Variants in NUTM2F observed in about 807,000 individuals in gnomAD.
NUTM2F encodes NUT family member 2F, also known as family with sequence similarity 22, member F.
NUTM2F carries 22 observed loss-of-function variants against 43.3 expected under a neutral mutation model. The observed-to-expected ratio is 0.51, with a 90% CI of 0.36 to 0.73. The LOEUF is 0.73. NUTM2F is among the 30% of genes least tolerant of loss of function. NUTM2F has a pLI of 0.00. For missense variants in NUTM2F, 488 were observed against 927.4 expected, an observed-to-expected ratio of 0.53 and a Z score of 6.15; for synonymous variants, 202 against 389.0, an observed-to-expected ratio of 0.52 and a Z score of 5.66.
intron 3 of NUTM2F, 123 bp downstream of exon 3, chr9:94,322,078 G>GA: frequency 6.7e-7 from 1 of 1,495,874 alleles, no homozygotes; most frequent in South Asian, 1.3e-5. Flanking sequence ...AGGGGCCCAG[G>GA]GCATCCTGTG....
rs1831356278 is a variant in NUTM2F at position 94,320,988 on chromosome 9, G to A, written c.982+105C>T. On this transcript the variant is annotated intron_variant, in intron 4 of 6. Transcript: ENST00000253262. This position sits in a 1 kb window ranked among gnomAD's most constrained non-coding sequence, Gnocchi z 4.5. Reference sequence around the variant, plus strand: ...CTCCCGGAAGCTGTCCTGTTGGAGGGAGCAAATCCCCCTCTTGAAGGGAAG... The same window carrying A: ...CTCCCGGAAGCTGTCCTGTTGGAGGAAGCAAATCCCCCTCTTGAAGGGAAG... 1.4e-6 allele frequency: 2 copies of A among 1,473,690 alleles called. No individual in the cohort carries two copies. The highest frequency in any genetic ancestry group is 1.4e-5 in the South Asian group (1 of 72,948). The allele number at this position is 1,473,690 out of a possible 1,614,324, so 91.3% of individuals were successfully genotyped here. A position where few individuals can be genotyped will look rare whatever the true frequency, so the allele number is the denominator to read the frequency against.
intron 1 of NUTM2F, among the ~76,000 whole-genome samples, chr9:94,326,609 T>C (rs1429407518): frequency 6.6e-6 from 1 of 151,678 alleles, no homozygotes; most frequent in Non-Finnish European, 1.5e-5. Flanking sequence ...AATTAGCTGA[T>C]GGTGCGTGCC....
At chr9:94,322,108 T>G (rs1831376774) in intron 3 of NUTM2F, 93 bp downstream of exon 3, 1 of 1,542,136 alleles carries the variant, frequency 6.5e-7, no homozygotes, top group African/African-American at 1.4e-5. Flanking sequence ...ACCCTCCTCA[T>G]GCTCCATGCT....
At position 94,322,271 on chromosome 9, in the gene NUTM2F, A is replaced by G; in HGVS notation, c.772T>C (p.Trp258Arg). ...KPTMTLEEGL[W>R]QAMREWQHTS... ...TGCTGCCATTCCCGCATGGCCTGCCACAGTCCCTCCTCCAGCGTCATGGTG... is the reference window on the plus strand; with the variant it reads ...TGCTGCCATTCCCGCATGGCCTGCCGCAGTCCCTCCTCCAGCGTCATGGTG... Residue 258 changes from tryptophan to arginine, a missense_variant, in exon 3 of 7, where the codon TGG becomes CGG. Transcript: ENST00000253262. The G allele has an allele frequency of 1.2e-6, 2 of 1,612,026 alleles. No homozygotes were observed. The highest frequency in any genetic ancestry group is 1.1e-5 in the South Asian group (1 of 90,988).
In NUTM2F at chr9:94,319,014, G is replaced by T; in HGVS notation, c.1722C>A (p.Asp574Glu). The T allele has an allele frequency of 1.2e-6, 2 of 1,604,972 alleles. No individual in the cohort carries two copies. The change falls in exon 7 of 7, where the codon GAC becomes GAA. Residue 574 changes from aspartate (D) to glutamate (E), a missense_variant. By Grantham distance (45) the Asp-to-Glu change is conservative. Transcript: ENST00000253262. ...CCTGACATCCCAAAAGCACAGCAGG[G>T]TCTTCGGACCTGGCCATGCCAGTGC... ...RVRTGMARSE[D>E]PAVLLGCQDS...
chr9:94,326,736 T>G (rs1257842265), intron 1 of NUTM2F, among the ~76,000 whole-genome samples: 1 of 81,528 alleles, frequency 1.2e-5, no homozygotes, highest in East Asian at 3.8e-4. Context: ...AGAGCGAGAC[T>G]CCGTCTCAAA....
intron 2 of NUTM2F, 145 bp downstream of exon 2, chr9:94,325,093 G>A (rs1372354914): frequency 2.2e-6 from 2 of 919,918 alleles, no homozygotes; most frequent in Admixed American, 4.6e-5. Context: ...GATTAATGTT[G>A]CTGAAAACGT....
At chr9:94,322,436 G>T (rs1314561889) in intron 2 of NUTM2F, 107 bp from the exon 3 acceptor site, 29 of 1,489,458 alleles carry the variant, frequency 1.9e-5, no homozygotes, top group Non-Finnish European at 2.7e-5. Flanking sequence ...CCTGCCATCT[G>T]TCCCTGTCCT....
intron 2 of NUTM2F, among the ~76,000 whole-genome samples, chr9:94,324,005 C>T (rs1485777550): frequency 1.3e-5 from 2 of 152,316 alleles, no homozygotes; most frequent in East Asian, 3.9e-4. Flanking sequence ...TGCGGTGGCT[C>T]ACGCCTGCAA....
rs747516003 is a variant in NUTM2F, at chr9:94,322,368, C to T, written c.714-39G>A. The T allele has an allele frequency of 1.9e-6, 3 of 1,611,196 alleles. No homozygotes were observed. The South Asian group carries it at 3.3e-5, about 18-fold the overall frequency. ...CAGTCAGTCCCAGTCTGTAAGCCCACCCTCCATCCCGGGCCCACCTGGTCC... is the reference window on the plus strand; with the variant it reads ...CAGTCAGTCCCAGTCTGTAAGCCCATCCTCCATCCCGGGCCCACCTGGTCC... On this transcript the variant is annotated intron_variant, in intron 2 of 6. Coordinates refer to ENST00000253262, the MANE Select transcript of NUTM2F (RefSeq NM_017561.2).
chr9:94,325,262 G>C lies in NUTM2F; in HGVS notation c.689C>G (p.Thr230Ser), dbSNP rs776493650. The C allele has an allele frequency of 1.1e-6, 1 of 917,696 alleles. No individual in the cohort carries two copies. The highest frequency in any genetic ancestry group is 1.6e-6 in the Non-Finnish European group (1 of 630,672). The allele number at this position is 917,696 out of a possible 1,614,324, so 56.8% of individuals were successfully genotyped here. A position where few individuals can be genotyped will look rare whatever the true frequency, so the allele number is the denominator to read the frequency against. Residue 230 changes from threonine to serine, a missense_variant, in exon 2 of 7, where the codon ACT (threonine) becomes AGT (serine). Transcript: ENST00000253262. ...CATGAGGAAGCAGGAAAGCGCTTCA[G>C]TGTCAGGACTCTGGGGAAGGTGCCT... Reference protein sequence around the residue: ...ARRHLPQSPDTEALSCFLIPV... With the variant: ...ARRHLPQSPDSEALSCFLIPV...
Position 94,322,330 on chromosome 9 carries a change from C to A in NUTM2F, c.714-1G>T, listed in dbSNP as rs762953320. 6.2e-7 allele frequency: 1 copy of A among 1,611,920 alleles called. No homozygotes were observed. The highest frequency in any genetic ancestry group is 2.2e-5 in the East Asian group (1 of 44,860). ...CCGGGCCAGGGATCGGAGAACTGGG[C>A]TGTAAACCAGTGCAGTCAGTCCCAG... On this transcript the variant is annotated splice_acceptor_variant, in intron 2 of 6. Coordinates refer to ENST00000253262, the MANE Select transcript of NUTM2F (RefSeq NM_017561.2). LOFTEE classifies it high-confidence loss of function.
Position 94,321,232 on chromosome 9 carries a change from C to T in NUTM2F, c.843G>A (p.Lys281=), listed in dbSNP as rs560802376. 1.4e-4 allele frequency: 215 copies of T among 1,579,502 alleles called. No individual in the cohort carries two copies. In the African/African-American group the frequency reaches 2.2e-3, roughly 16 times the overall value. The change falls in exon 4 of 7, where the codon AAG becomes AAA. Residue 281 remains lysine (K), a splice_region_variant and synonymous_variant. Coordinates refer to ENST00000253262, the MANE Select transcript of NUTM2F (RefSeq NM_017561.2). ...CCTCCTCAGCCTCAAATTCCAGGAA[C>T]CTGTGGGTGAAGGAGGCCCAGGCTG... ...DRMIFYEMAE[K]FLEFEAEEEM... is the part of the protein sequence containing the mutation.
rs748759692 is a variant in NUTM2F, at chr9:94,322,240, C to T, written c.803G>A (p.Ser268Asn). 54 of 1,612,146 alleles carry T rather than the reference C, an allele frequency of 3.3e-5. No individual in the cohort carries two copies. Among genetic ancestry groups the T allele is most frequent in the Non-Finnish European group, 4.6e-5 (54 of 1,179,900 alleles). ...WQAMREWQHT[S>N]NFDRMIFYEM... Reference sequence around the variant, plus strand: ...GTAGAAGATCATCCGGTCAAAGTTGCTCGTGTGCTGCCATTCCCGCATGGC... The same window carrying T: ...GTAGAAGATCATCCGGTCAAAGTTGTTCGTGTGCTGCCATTCCCGCATGGC... Residue 268 changes from serine (S) to asparagine (N), a missense_variant, in exon 3 of 7, where the codon AGC becomes AAC. Physicochemically the swap from Ser to Asn is conservative, Grantham distance 46. Coordinates refer to ENST00000253262, the MANE Select transcript of NUTM2F (RefSeq NM_017561.2).
Position 94,318,701 on chromosome 9 carries a change from G to T in NUTM2F, c.2035C>A (p.Pro679Thr), listed in dbSNP as rs201914774. 1,015 of 1,607,114 alleles carry T rather than the reference G, an allele frequency of 6.3e-4. 2 individuals carry two copies. The African/African-American group carries it at 0.012, about 19-fold the overall frequency. ...CTGAGGCCTCTTTTCTGAGCAGATG[G>T]AGACTGAAGAGCTCCCTGGGGTCCT... ...GRGPQGALQS[P>T]SAQKRGLSPS... Residue 679 changes from proline (P) to threonine (T), a missense_variant, in exon 7 of 7, where the codon CCA (proline) becomes ACA (threonine). Pro to Thr is a conservative substitution (Grantham distance 38). Coordinates refer to ENST00000253262, the MANE Select transcript of NUTM2F (RefSeq NM_017561.2).
chr9:94,323,276 C>T (rs183787874), intron 2 of NUTM2F, among the ~76,000 whole-genome samples: 114 of 152,296 alleles, frequency 7.5e-4, no homozygotes, highest in African/African-American at 2.6e-3. Flanking sequence ...GGCAGCGAGA[C>T]TGTTGGGGAG....
At position 94,320,227 on chromosome 9, in the gene NUTM2F, TG is replaced by T. The variant is rs749046836; in HGVS notation, c.1348del (p.Gln450ArgfsTer32). 1 of 1,613,706 alleles carries T rather than the reference TG, an allele frequency of 6.2e-7. No homozygotes were observed. Among genetic ancestry groups the T allele is most frequent in the African/African-American group, 1.3e-5 (1 of 74,916 alleles). On this transcript the variant is annotated frameshift_variant, in exon 5 of 7. Coordinates refer to ENST00000253262, the MANE Select transcript of NUTM2F (RefSeq NM_017561.2). LOFTEE classifies it high-confidence loss of function. The surrounding 1 kb of genome is among the most constrained non-coding windows in gnomAD (Gnocchi z 4.5). ...LLSYIDKLCS[Q>X]EDFVTKVEAV... ...GCCCACCTTGGTGACAAAGTCTTCC[TG>T]GGAACACAGCTTGTCAATGTAGCTC...
At position 94,325,693 on chromosome 9, in the gene NUTM2F, C is replaced by A; in HGVS notation, c.258G>T (p.Arg86Ser). 2 of 1,611,370 alleles carry A rather than the reference C, an allele frequency of 1.2e-6. No homozygotes were observed. The highest frequency in any genetic ancestry group is 1.7e-6 in the Non-Finnish European group (2 of 1,179,798). The change falls in exon 2 of 7, where the codon AGG becomes AGT. Residue 86 changes from arginine to serine, a missense_variant. Physicochemically the swap from Arg to Ser is moderately radical, Grantham distance 110 (BLOSUM62 -1). Transcript: ENST00000253262. ...GGGGCTTCACAGGCCCCACTTCTGTCCTCATCTGGACAAAGACGTTGGAAG... is the reference window on the plus strand; with the variant it reads ...GGGGCTTCACAGGCCCCACTTCTGTACTCATCTGGACAAAGACGTTGGAAG... Reference protein sequence around the residue: ...AGASNVFVQMRTEVGPVKPPQ... With the variant: ...AGASNVFVQMSTEVGPVKPPQ...
chr9:94,326,939 C>T (rs1831458418), intron 1 of NUTM2F, among the ~76,000 whole-genome samples: 2 of 149,930 alleles, frequency 1.3e-5, no homozygotes, highest in African/African-American at 4.9e-5. Flanking sequence ...TCCCAGCTGC[C>T]ACTCAGGAAG....
Sources: gnomAD v4.1 joint callset for allele counts (sites outside exome capture counted in the v4.1 genomes callset) on GRCh38, gnomAD v4.1.1 for gene constraint, Gnocchi (gnomAD v3.1) non-coding constraint, MANE v1.5 for transcripts, NCBI Gene and HGNC (gene_info 2026-07-23, HGNC 2026-07-21) for gene names.